CLEC20A: variants seen among roughly 807,000 people sequenced by gnomAD.
CLEC20A encodes C-type lectin domain containing 20A.
upstream of CLEC20A, among the ~76,000 whole-genome samples, chr1:178,499,236 C>G (rs988156579): frequency 2.6e-5 from 4 of 152,184 alleles, no homozygotes; most frequent in Non-Finnish European, 5.9e-5. Context: ...ACAAAGCACT[C>G]GCTTCTCACA....
At chr1:178,488,735 T>C (rs1649210319) in intron 4 of CLEC20A, 136 bp from the exon 5 acceptor site, 1 of 396,670 alleles carries the variant, frequency 2.5e-6, no homozygotes, top group Non-Finnish European at 4.4e-6. Flanking sequence ...TTATTGTACA[T>C]CTACCGTGTG....
At chr1:178,485,890 C>G (rs114562090) in intron 5 of CLEC20A, among the ~76,000 whole-genome samples, 96 of 152,214 alleles carry the variant, frequency 6.3e-4, no homozygotes, top group Admixed American at 1.7e-3. Context: ...GAGGCCAGCT[C>G]CATCTATTAA....
intron 1 of CLEC20A, among the ~76,000 whole-genome samples, chr1:178,495,700 G>A (rs1190953522): frequency 1.3e-5 from 2 of 152,054 alleles, no homozygotes; most frequent in African/African-American, 2.4e-5. Context: ...AGGAAGGAAG[G>A]GAGGGAGGGA....
At chr1:178,497,447 C>G (rs1649425886), upstream of CLEC20A, among the ~76,000 whole-genome samples, 1 of 152,180 alleles carries the variant, frequency 6.6e-6, no homozygotes, top group Non-Finnish European at 1.5e-5. Context: ...ATCCCCCATT[C>G]CAGAGAGGGC....
Position 178,486,678 on chromosome 1 carries a change from G to T in CLEC20A, c.928+1823C>A, listed in dbSNP as rs1043309686. On this transcript the variant is annotated intron_variant, in intron 5 of 7. Transcript: ENST00000623247. ...TAGCTGGGGCATCGCGGGTGGCATC[G>T]AGTGTGGGGCTCGAAGCGGAGGCCA... 25 of 398,596 alleles carry T rather than the reference G, an allele frequency of 6.3e-5. No homozygotes were observed. In the Admixed American group the frequency reaches 1.0e-3, roughly 16 times the overall value. The allele number at this position is 398,596 out of a possible 1,614,324, so 24.7% of individuals were successfully genotyped here.
At chr1:178,494,107 C>G (rs1281637152) in intron 2 of CLEC20A, among the ~76,000 whole-genome samples, 1 of 152,184 alleles carries the variant, frequency 6.6e-6, no homozygotes, top group Non-Finnish European at 1.5e-5. Flanking sequence ...TGAAAACCAA[C>G]CCTGGGCCAG....
At chr1:178,498,876 T>G (rs1649461249), upstream of CLEC20A, among the ~76,000 whole-genome samples, 1 of 152,156 alleles carries the variant, frequency 6.6e-6, no homozygotes, top group African/African-American at 2.4e-5. Context: ...GGGGAAAATT[T>G]GTTAATGCAG....
chr1:178,484,192 T>C (rs962369514), intron 5 of CLEC20A: 1 of 152,226 alleles, frequency 6.6e-6, no homozygotes, highest in African/African-American at 2.4e-5. Flanking sequence ...TACCTCATAT[T>C]ACTATTTCCT....
rs570539495 is a variant in CLEC20A, at chr1:178,488,838, C to T, written c.830-239G>A. On this transcript the variant is annotated intron_variant, in intron 4 of 7. Coordinates refer to ENST00000623247, the Ensembl canonical transcript of CLEC20A. ...AGCATCTTTAAGGATAAGGATCATG[C>T]GTCTCATCAAATCCAAAACACAAAA... 1.4e-3 allele frequency among the ~76,000 whole-genome samples: 220 copies of T among 152,228 alleles called. 1 individual carries two copies. Among genetic ancestry groups the T allele is most frequent in the African/African-American group, 5.0e-3 (209 of 41,524 alleles).
upstream of CLEC20A, chr1:178,497,121 C>T (rs1202700810): frequency 5.0e-6 from 2 of 396,468 alleles, no homozygotes; most frequent in East Asian, 7.1e-5. Context: ...TACCCAGTGT[C>T]TGTCGCTGCC....
At chr1:178,490,780 T>C (rs756124632) in intron 3 of CLEC20A, among the ~76,000 whole-genome samples, 1 of 152,198 alleles carries the variant, frequency 6.6e-6, no homozygotes, top group Non-Finnish European at 1.5e-5. Context: ...AAATCACATA[T>C]GCAAATGGTT....
exon 3 of CLEC20A, chr1:178,492,510 G>A (rs904464757): frequency 3.3e-5 from 13 of 398,434 alleles, no homozygotes; most frequent in Non-Finnish European, 5.8e-5. Context: ...CCTGGCTTTG[G>A]AGAGGTGGTC....
At chr1:178,482,082 C>CAA (rs1297176109) in intron 7 of CLEC20A, 113 of 354,388 alleles carry the variant, frequency 3.2e-4, no homozygotes, top group African/African-American at 1.7e-3. Flanking sequence ...AACAAAAAAA[C>CAA]AAAAAAACAA....
intron 7 of CLEC20A, 77 bp downstream of exon 7, chr1:178,482,235 A>C (rs1437179235): frequency 2.5e-6 from 1 of 398,108 alleles, no homozygotes; most frequent in Non-Finnish European, 4.4e-6. Context: ...TTCCACCTTA[A>C]TATATTGGTT....
chr1:178,483,515 C>T (rs1314239312), intron 5 of CLEC20A: 2 of 357,610 alleles, frequency 5.6e-6, no homozygotes, highest in African/African-American at 4.2e-5. Flanking sequence ...TCAGAAAGCC[C>T]CCCTGGCAGC....
chr1:178,482,933 A>T (rs1320611294), intron 6 of CLEC20A: 1 of 350,776 alleles, frequency 2.9e-6, no homozygotes, highest in Non-Finnish European at 5.1e-6. Context: ...TGATATAGGC[A>T]GGGTAGTTTT....
At chr1:178,494,131 T>C (rs1321601951) in intron 2 of CLEC20A, among the ~76,000 whole-genome samples, 1 of 152,240 alleles carries the variant, frequency 6.6e-6, no homozygotes, top group Non-Finnish European at 1.5e-5. Context: ...CAATGGCTCA[T>C]GCCTATAATC....
In CLEC20A at chr1:178,482,298, T is replaced by C; in HGVS notation, c.1122+14A>G. The stretch of plus-strand genomic sequence containing the variant: ...TCATCTGATCAGAATTAGAAGAGTG[T>C]GCAGAAGTCTCACCTGTCTCAGAAA... On this transcript the variant is annotated intron_variant, in intron 7 of 7. Transcript: ENST00000623247. 1 of 398,620 alleles carries C rather than the reference T, an allele frequency of 2.5e-6. No individual in the cohort carries two copies. Among genetic ancestry groups the C allele is most frequent in the Non-Finnish European group, 4.4e-6 (1 of 226,056 alleles). 24.7% of individuals were successfully genotyped at this position (398,620 alleles called of 1,614,324 possible).
At chr1:178,499,486 G>A (rs1021882264), upstream of CLEC20A, 1 of 145,588 alleles carries the variant, frequency 6.9e-6, no homozygotes, top group East Asian at 1.9e-4. Flanking sequence ...CAGAATAAAA[G>A]CAGGCAGAAG....
Sources: gnomAD v4.1 joint callset for allele counts (sites outside exome capture counted in the v4.1 genomes callset) on GRCh38, gnomAD v4.1.1 for gene constraint, MANE v1.5 for transcripts, NCBI Gene and HGNC (gene_info 2026-07-23, HGNC 2026-07-21) for gene names.